WWOX: variants seen among roughly 807,000 people sequenced by gnomAD.
WWOX encodes the protein WW domain-containing oxidoreductase.
Under a neutral mutation model 46.2 loss-of-function variants are expected in WWOX, and 69 were observed. The observed-to-expected ratio is 1.49, with a 90% confidence interval of 1.23 to 1.82. The LOEUF is 1.82. Among genes scored for constraint, WWOX ranks in the 40% most tolerant of loss-of-function variants. WWOX has a pLI of 0.00. For missense variants in WWOX, 919 were observed against 542.6 expected, an observed-to-expected ratio of 1.69 and a Z score of -6.89; for synonymous variants, 359 against 202.6, an observed-to-expected ratio of 1.77 and a Z score of -6.56.
chr16:78,126,734 C>G (rs2151691048), intron 4 of WWOX, among the ~76,000 whole-genome samples: 1 of 152,284 alleles, frequency 6.6e-6, no homozygotes, highest in East Asian at 1.9e-4. Flanking sequence ...ATTATGCCAG[C>G]TGCAACTCAA....
chr16:78,745,530 T>C (rs2049328489), intron 8 of WWOX, among the ~76,000 whole-genome samples: 1 of 149,846 alleles, frequency 6.7e-6, no homozygotes, highest in Admixed American at 6.6e-5. Flanking sequence ...TCCTTTTTTT[T>C]TTTTTTTTTT....
intron 8 of WWOX, among the ~76,000 whole-genome samples, chr16:79,027,528 C>G (rs1187069166): frequency 2.6e-5 from 4 of 151,702 alleles, no homozygotes; most frequent in African/African-American, 9.7e-5. Context: ...TTGGAATGTC[C>G]AATTCCCCGT....
At chr16:78,825,348 A>G (rs1386907507) in intron 8 of WWOX, 1 of 311,944 alleles carries the variant, frequency 3.2e-6, no homozygotes, top group Non-Finnish European at 6.5e-6. Context: ...GAACGGAATC[A>G]GTTTCTTACT....
At chr16:78,360,234 C>T (rs1278974115) in intron 5 of WWOX, among the ~76,000 whole-genome samples, 1 of 152,182 alleles carries the variant, frequency 6.6e-6, no homozygotes, top group Non-Finnish European at 1.5e-5. Flanking sequence ...TAAGGGACAG[C>T]CATTTCACTG....
intron 8 of WWOX, among the ~76,000 whole-genome samples, chr16:78,627,997 C>G (rs2046347995): frequency 6.6e-6 from 1 of 152,172 alleles, no homozygotes; most frequent in African/African-American, 2.4e-5. Context: ...GGAGAGTAGC[C>G]TCAGGACCAG....
rs533259213 is a variant in WWOX, at chr16:78,709,909, T to G, written c.1056+277157T>G. Among the ~76,000 whole-genome samples the G allele has an allele frequency of 4.1e-4, 63 of 152,004 alleles. 1 individual carries two copies. The highest frequency in any genetic ancestry group is 2.1e-4 in the Non-Finnish European group (14 of 68,000). On this transcript the variant is annotated intron_variant, in intron 8 of 8. Coordinates refer to ENST00000566780, the MANE Select transcript of WWOX (RefSeq NM_016373.4). The stretch of plus-strand genomic sequence containing the variant: ...CGACGCCCAGCTAATTTTTGTATTT[T>G]TGGTAGAGATGGGGTTTCACCATGT...
chr16:78,720,505 A>C (rs1306363226), intron 8 of WWOX, among the ~76,000 whole-genome samples: 1 of 151,760 alleles, frequency 6.6e-6, no homozygotes, highest in Non-Finnish European at 1.5e-5. Flanking sequence ...TCTTCTGGAA[A>C]AAATCCTTAG....
intron 8 of WWOX, among the ~76,000 whole-genome samples, chr16:78,459,275 C>T (rs1465868007): frequency 1.3e-5 from 2 of 152,174 alleles, no homozygotes; most frequent in Admixed American, 6.5e-5. Flanking sequence ...GTGTAATGCC[C>T]TTTTCACCAG....
intron 8 of WWOX, among the ~76,000 whole-genome samples, chr16:79,012,655 T>G (rs1383086813): frequency 6.6e-6 from 1 of 152,148 alleles, no homozygotes; most frequent in Non-Finnish European, 1.5e-5. Context: ...AACCAATGAA[T>G]GAGGGAACAA....
intron 8 of WWOX, among the ~76,000 whole-genome samples, chr16:78,802,076 G>A (rs2050905084): frequency 3.9e-5 from 6 of 151,934 alleles, no homozygotes; most frequent in Admixed American, 2.6e-4. Context: ...TAGCATTATT[G>A]TCATTGTGAA....
intron 5 of WWOX, among the ~76,000 whole-genome samples, chr16:78,183,392 G>C (rs1386338636): frequency 6.6e-6 from 1 of 152,180 alleles, no homozygotes; most frequent in Non-Finnish European, 1.5e-5. Flanking sequence ...AGTTGGTTAT[G>C]AGCGTGAAAG....
intron 8 of WWOX, among the ~76,000 whole-genome samples, chr16:78,911,542 T>C (rs2045111346): frequency 6.6e-6 from 1 of 151,934 alleles, no homozygotes; most frequent in East Asian, 1.9e-4. Flanking sequence ...AATAAGACTC[T>C]TAGGAAAATT....
intron 8 of WWOX, among the ~76,000 whole-genome samples, chr16:78,616,384 G>C (rs1039699671): frequency 2.6e-5 from 4 of 152,076 alleles, no homozygotes; most frequent in African/African-American, 9.7e-5. Flanking sequence ...TTCAGTGTCC[G>C]GTGAGGATTT....
chr16:78,161,428 CTT>C, intron 4 of WWOX, among the ~76,000 whole-genome samples: 1 of 150,284 alleles, frequency 6.7e-6, no homozygotes, highest in Non-Finnish European at 1.5e-5. Context: ...CTCTCTCTCT[CTT>C]TCTTTCTCTT....
intron 8 of WWOX, among the ~76,000 whole-genome samples, chr16:79,164,527 T>C (rs184202916): frequency 2.1e-4 from 32 of 152,242 alleles, no homozygotes; most frequent in African/African-American, 7.7e-4. Context: ...AGCGCTGTTA[T>C]CAGGACCTTC....
intron 8 of WWOX, among the ~76,000 whole-genome samples, chr16:79,176,935 C>G (rs574660314): frequency 1.3e-5 from 2 of 152,160 alleles, no homozygotes; most frequent in African/African-American, 4.8e-5. Context: ...TGCACCCTTT[C>G]CCTCTCATCA....
intron 8 of WWOX, among the ~76,000 whole-genome samples, chr16:78,921,955 A>T (rs1013349611): frequency 2.0e-5 from 3 of 152,234 alleles, no homozygotes; most frequent in African/African-American, 7.2e-5. Flanking sequence ...GGAAGAGACA[A>T]ATGGGGCAAA....
intron 8 of WWOX, among the ~76,000 whole-genome samples, chr16:78,758,525 T>C (rs1450220884): frequency 6.6e-6 from 1 of 152,240 alleles, no homozygotes; most frequent in African/African-American, 2.4e-5. Flanking sequence ...GTAATGCCAG[T>C]GTCGTAACGC....
chr16:78,313,234 T>G (rs1422563251), intron 5 of WWOX, among the ~76,000 whole-genome samples: 1 of 152,204 alleles, frequency 6.6e-6, no homozygotes, highest in African/African-American at 2.4e-5. Flanking sequence ...AACCTCAGAC[T>G]GGGATCCTTG....
Sources: allele counts gnomAD v4.1 joint callset (sites outside exome capture counted in the v4.1 genomes callset), GRCh38; gene constraint gnomAD v4.1.1; transcripts MANE v1.5; gene names NCBI Gene and HGNC (gene_info 2026-07-23, HGNC 2026-07-21).